Variants in PRKCA observed in about 807,000 individuals in gnomAD.
PRKCA encodes protein kinase C alpha type.
Under a neutral mutation model 87.0 loss-of-function variants are expected in PRKCA, and 27 were observed. The observed-to-expected ratio is 0.31, with a 90% confidence interval of 0.23 to 0.43. The LOEUF (loss-of-function observed/expected upper bound fraction) is 0.43. Ranked by LOEUF, PRKCA falls within the 20% of genes least tolerant of loss-of-function variation. The probability of loss-of-function intolerance (pLI) is 1.00; values close to 1 mark genes in which losing one functional copy is unlikely to be tolerated. For synonymous variants in PRKCA, 329 were observed against 311.1 expected (o/e 1.06, Z -0.61); for missense variants, 518 against 852.3 (o/e 0.61, Z 4.88).
intron 2 of PRKCA, among the ~76,000 whole-genome samples, chr17:66,459,504 A>G (rs950312838): frequency 5.3e-5 from 8 of 152,270 alleles, no homozygotes; most frequent in Non-Finnish European, 8.8e-5. Flanking sequence ...AATTATTTTT[A>G]AAGTTTTGTA....
At chr17:66,530,870 T>C (rs59443763) in intron 3 of PRKCA, among the ~76,000 whole-genome samples, 3,176 of 152,122 alleles carry the variant, frequency 0.021, 100 homozygotes, top group African/African-American at 0.07. Context: ...AAAAAAATCA[T>C]CTTTGTGCTC....
chr17:66,725,235 G>T (rs1445569670), intron 8 of PRKCA, among the ~76,000 whole-genome samples: 1 of 152,180 alleles, frequency 6.6e-6, no homozygotes, highest in African/African-American at 2.4e-5. Context: ...GCAAATGCAT[G>T]GAGTTCTGGG....
At chr17:66,633,739 T>C (rs1374494845) in intron 3 of PRKCA, among the ~76,000 whole-genome samples, 1 of 152,230 alleles carries the variant, frequency 6.6e-6, no homozygotes, top group Non-Finnish European at 1.5e-5. Flanking sequence ...CCTGCCATTA[T>C]TTTACTCATT....
intron 2 of PRKCA, among the ~76,000 whole-genome samples, chr17:66,462,861 A>G (rs1283655698): frequency 1.3e-5 from 2 of 152,140 alleles, no homozygotes; most frequent in Non-Finnish European, 2.9e-5. Flanking sequence ...TGCTTAGAAA[A>G]TAATTGAAGG....
chr17:66,485,259 C>T (rs550644667), intron 2 of PRKCA, among the ~76,000 whole-genome samples: 1 of 152,202 alleles, frequency 6.6e-6, no homozygotes, highest in Non-Finnish European at 1.5e-5. Context: ...GATACAGAGA[C>T]ATGCTCAGAA....
chr17:66,607,202 G>A (rs1880443091), intron 3 of PRKCA, among the ~76,000 whole-genome samples: 1 of 152,056 alleles, frequency 6.6e-6, no homozygotes, highest in African/African-American at 2.4e-5. Flanking sequence ...TACTAATGAA[G>A]CATTTATTAC....
chr17:66,575,141 A>G (rs558995091), intron 3 of PRKCA, among the ~76,000 whole-genome samples: 207 of 152,222 alleles, frequency 1.4e-3, no homozygotes, highest in Non-Finnish European at 1.9e-3. Context: ...GTTTATCTAT[A>G]ACCGATGGCT....
chr17:66,693,903 G>C (rs1317329218), intron 8 of PRKCA, among the ~76,000 whole-genome samples: 1 of 152,146 alleles, frequency 6.6e-6, no homozygotes, highest in Non-Finnish European at 1.5e-5. Context: ...CCAACTTCTG[G>C]TTTAGCCCGT....
At chr17:66,509,117 A>C (rs753090127) in intron 3 of PRKCA, among the ~76,000 whole-genome samples, 1 of 152,046 alleles carries the variant, frequency 6.6e-6, no homozygotes, top group Non-Finnish European at 1.5e-5. Flanking sequence ...CAAAGCCCAG[A>C]GTCACTGTGA....
intron 2 of PRKCA, among the ~76,000 whole-genome samples, chr17:66,414,716 A>G (rs1265085320): frequency 6.6e-6 from 1 of 152,046 alleles, no homozygotes; most frequent in African/African-American, 2.4e-5. Context: ...TGACAATGTG[A>G]TTCAAGCAGA....
intron 2 of PRKCA, among the ~76,000 whole-genome samples, chr17:66,392,001 C>G (rs933559271): frequency 2.0e-4 from 30 of 152,150 alleles, no homozygotes; most frequent in African/African-American, 7.0e-4. Flanking sequence ...GAGGCCGAGG[C>G]TGGCAGATCA....
intron 6 of PRKCA, among the ~76,000 whole-genome samples, chr17:66,687,758 G>T (rs1031023895): frequency 2.6e-5 from 4 of 152,154 alleles, no homozygotes; most frequent in African/African-American, 9.7e-5. Context: ...AGCCAGCCTG[G>T]GAGGGTTGCC....
At chr17:66,328,798 A>T (rs1906147452) in intron 2 of PRKCA, among the ~76,000 whole-genome samples, 1 of 152,200 alleles carries the variant, frequency 6.6e-6, no homozygotes. Context: ...ACTCCGTCTC[A>T]AAACAAACAA....
intron 3 of PRKCA, among the ~76,000 whole-genome samples, chr17:66,557,468 G>C (rs1288716366): frequency 6.6e-6 from 1 of 151,706 alleles, no homozygotes; most frequent in Non-Finnish European, 1.5e-5. Flanking sequence ...GATGTACACA[G>C]TCTAATGAAT....
At chr17:66,704,583 T>C (rs1973145470) in intron 8 of PRKCA, among the ~76,000 whole-genome samples, 1 of 152,240 alleles carries the variant, frequency 6.6e-6, no homozygotes, top group Non-Finnish European at 1.5e-5. Context: ...CATTCAGAAC[T>C]ATATGAAGAT....
intron 15 of PRKCA, 130 bp from the exon 16 acceptor site, chr17:66,788,709 G>A (rs2144384668): frequency 1.8e-6 from 2 of 1,112,108 alleles, no homozygotes; most frequent in East Asian, 2.4e-5. Flanking sequence ...GAGTGTCTTG[G>A]TCAGCTCTCT....
intron 2 of PRKCA, among the ~76,000 whole-genome samples, chr17:66,443,067 T>TC (rs1913857376): frequency 6.6e-6 from 1 of 152,200 alleles, no homozygotes; most frequent in South Asian, 2.1e-4. Flanking sequence ...TCTCTTGGAC[T>TC]CCCGTTGGTT....
intron 3 of PRKCA, among the ~76,000 whole-genome samples, chr17:66,581,069 A>T (rs1366353681): frequency 6.6e-6 from 1 of 152,232 alleles, no homozygotes; most frequent in African/African-American, 2.4e-5. Context: ...ACTTGTTAGG[A>T]TTCAGCAGTA....
rs1339129005 is a variant in PRKCA at position 66,305,906 on chromosome 17, A to AT, written c.174-183dup. On this transcript the variant is annotated intron_variant, in intron 1 of 16. Coordinates refer to ENST00000413366, the MANE Select transcript of PRKCA (RefSeq NM_002737.3). ...AGTTCAGTGATCCTTTATAGGCAAG[A>AT]TTTTTTTCCCCCCAAGGTTGAATTT... Among the ~76,000 whole-genome samples, 17 of 152,194 alleles carry AT rather than the reference A, an allele frequency of 1.1e-4. No individual in the cohort carries two copies. The East Asian group carries it at 2.9e-3, about 26-fold the overall frequency.
Sources: allele counts gnomAD v4.1 joint callset (sites outside exome capture counted in the v4.1 genomes callset), GRCh38; gene constraint gnomAD v4.1.1; transcripts MANE v1.5; gene names NCBI Gene and HGNC (gene_info 2026-07-23, HGNC 2026-07-21).